Variants in SNTG1 observed in about 807,000 individuals in gnomAD.
SNTG1 encodes the protein syntrophin gamma 1.
A neutral mutation model predicts 74.7 loss-of-function variants in SNTG1; 39 were observed. The observed-to-expected ratio is 0.52, with a 90% CI of 0.40 to 0.68. The LOEUF is 0.68. Among genes scored for constraint, SNTG1 ranks in the 30% least tolerant of loss-of-function variants. The probability of loss-of-function intolerance (pLI) is 0.00; values close to 1 mark genes in which losing one functional copy is unlikely to be tolerated. For missense variants in SNTG1, 685 were observed against 609.5 expected (o/e 1.12, Z -1.30); for synonymous variants, 254 against 217.1 (o/e 1.17, Z -1.49).
chr8:50,362,266 T>C (rs1219280431), intron 2 of SNTG1, among the ~76,000 whole-genome samples: 1 of 152,174 alleles, frequency 6.6e-6, no homozygotes, highest in Non-Finnish European at 1.5e-5. Context: ...AGAATGAAGA[T>C]AACCAGTATA....
chr8:50,562,937 C>A (rs554710742), intron 12 of SNTG1, among the ~76,000 whole-genome samples: 1 of 152,144 alleles, frequency 6.6e-6, no homozygotes, highest in Non-Finnish European at 1.5e-5. Context: ...GTTGCATTCA[C>A]GCAGTCTGAG....
At chr8:50,582,167 T>C (rs77496774) in intron 12 of SNTG1, among the ~76,000 whole-genome samples, 233 of 152,294 alleles carry the variant, frequency 1.5e-3, no homozygotes, top group African/African-American at 5.4e-3. Context: ...TTTGATTGCT[T>C]GTTTGTTTTG....
At chr8:50,493,149 G>C (rs904131126) in intron 8 of SNTG1, among the ~76,000 whole-genome samples, 1 of 152,074 alleles carries the variant, frequency 6.6e-6, no homozygotes, top group Non-Finnish European at 1.5e-5. Flanking sequence ...TAGAATATAC[G>C]GAAATACAAA....
chr8:49,945,023 T>C (rs1809048799), intron 1 of SNTG1, among the ~76,000 whole-genome samples: 1 of 152,176 alleles, frequency 6.6e-6, no homozygotes, highest in African/African-American at 2.4e-5. Flanking sequence ...ACTTCTTTAA[T>C]CTGAGTACTA....
chr8:50,103,042 G>C (rs1355570965), intron 1 of SNTG1, among the ~76,000 whole-genome samples: 1 of 151,940 alleles, frequency 6.6e-6, no homozygotes, highest in East Asian at 1.9e-4. Context: ...TGGCGATGCG[G>C]GCTCTTTTTT....
intron 15 of SNTG1, among the ~76,000 whole-genome samples, chr8:50,676,579 C>G (rs923493337): frequency 2.2e-4 from 34 of 151,762 alleles, no homozygotes; most frequent in Non-Finnish European, 5.9e-5. Context: ...AAAACATGCT[C>G]CTTTAGCTCA....
chr8:50,131,449 A>C (rs1285003668), intron 1 of SNTG1, among the ~76,000 whole-genome samples: 1 of 152,040 alleles, frequency 6.6e-6, no homozygotes, highest in Non-Finnish European at 1.5e-5. Context: ...GGTTTATTTC[A>C]CTCAGCAGAA....
chr8:50,671,884 G>A (rs543452339), intron 15 of SNTG1, among the ~76,000 whole-genome samples: 3 of 151,920 alleles, frequency 2.0e-5, no homozygotes, highest in South Asian at 4.2e-4. Flanking sequence ...ATGAGTTCAT[G>A]TCCTTTGTAG....
intron 2 of SNTG1, among the ~76,000 whole-genome samples, chr8:50,309,180 G>C (rs2090013879): frequency 6.6e-6 from 1 of 152,120 alleles, no homozygotes; most frequent in Non-Finnish European, 1.5e-5. Context: ...CAAGCTTTTG[G>C]TTATTGTTAT....
At chr8:50,625,749 T>G (rs1352464386) in intron 13 of SNTG1, among the ~76,000 whole-genome samples, 1 of 152,222 alleles carries the variant, frequency 6.6e-6, no homozygotes, top group African/African-American at 2.4e-5. Flanking sequence ...TTAGCGAATA[T>G]TCCCAACTTT....
chr8:50,720,266 T>C (rs2131588737), intron 17 of SNTG1, among the ~76,000 whole-genome samples: 1 of 152,316 alleles, frequency 6.6e-6, no homozygotes, highest in Middle Eastern at 3.4e-3. Flanking sequence ...CCCTTGCCAT[T>C]TAGCCTTTTA....
chr8:50,065,994 A>T (rs1586121215), intron 1 of SNTG1, among the ~76,000 whole-genome samples: 1 of 152,282 alleles, frequency 6.6e-6, no homozygotes, highest in Non-Finnish European at 1.5e-5. Context: ...AGGCAGGCGG[A>T]TCACAAGGTC....
intron 17 of SNTG1, among the ~76,000 whole-genome samples, chr8:50,737,596 G>A (rs773195520): frequency 6.6e-6 from 1 of 151,958 alleles, no homozygotes; most frequent in African/African-American, 2.4e-5. Flanking sequence ...ACCTAGTAGA[G>A]ACACAACAAA....
chr8:50,518,515 G>C (rs2094152571), intron 9 of SNTG1, among the ~76,000 whole-genome samples: 1 of 152,112 alleles, frequency 6.6e-6, no homozygotes, highest in Admixed American at 6.5e-5. Flanking sequence ...AATGAATCCA[G>C]GGGCTGTTTC....
intron 18 of SNTG1, among the ~76,000 whole-genome samples, chr8:50,760,679 G>A (rs2095595999): frequency 1.3e-5 from 2 of 151,962 alleles, no homozygotes; most frequent in South Asian, 4.2e-4. Flanking sequence ...CAAAAAAAAT[G>A]ATAAAAAGAA....
intron 2 of SNTG1, among the ~76,000 whole-genome samples, chr8:50,235,784 G>A (rs1250243498): frequency 6.6e-6 from 1 of 151,780 alleles, no homozygotes; most frequent in Admixed American, 6.6e-5. Context: ...GAAGACAATG[G>A]TATAAAAGTA....
chr8:50,375,708 G>A (rs1019109992), intron 2 of SNTG1, among the ~76,000 whole-genome samples: 1 of 152,090 alleles, frequency 6.6e-6, no homozygotes, highest in African/African-American at 2.4e-5. Context: ...TTACTATGTG[G>A]GGAAAAATAG....
chr8:50,002,692 A>G (rs1814854745), intron 1 of SNTG1, among the ~76,000 whole-genome samples: 1 of 152,170 alleles, frequency 6.6e-6, no homozygotes, highest in African/African-American at 2.4e-5. Flanking sequence ...TGAATGTTGC[A>G]TAATAACAGA....
chr8:50,763,371 T>C (rs945276173), intron 18 of SNTG1, among the ~76,000 whole-genome samples: 1 of 151,794 alleles, frequency 6.6e-6, no homozygotes, highest in Non-Finnish European at 1.5e-5. Flanking sequence ...CTTTCTAGAG[T>C]TGATTTTTAG....
Sources: allele counts gnomAD v4.1 joint callset (sites outside exome capture counted in the v4.1 genomes callset), GRCh38; gene constraint gnomAD v4.1.1; transcripts MANE v1.5; gene names NCBI Gene and HGNC (gene_info 2026-07-23, HGNC 2026-07-21).